INTS4: variants seen among roughly 807,000 people sequenced by gnomAD.
The protein encoded by INTS4 is MSTP093.
A neutral mutation model predicts 119.5 loss-of-function variants in INTS4; 70 were observed. That is an observed-to-expected ratio of 0.59 (90% CI 0.48 to 0.71). The LOEUF (loss-of-function observed/expected upper bound fraction) is 0.71. INTS4 is among the 30% of genes least tolerant of loss of function. The probability of loss-of-function intolerance (pLI) is 0.00; values close to 1 mark genes in which losing one functional copy is unlikely to be tolerated. For missense variants in INTS4, 867 were observed against 1,173.2 expected (o/e 0.74, Z 3.81); for synonymous variants, 316 against 419.6 (o/e 0.75, Z 3.02).
At chr11:77,929,527 T>C (rs941935154) in intron 10 of INTS4, among the ~76,000 whole-genome samples, 7 of 152,208 alleles carry the variant, frequency 4.6e-5, no homozygotes, top group Admixed American at 1.3e-4. Context: ...ATGTTATCAT[T>C]AAGATTAAAG....
Position 77,878,963 on chromosome 11 carries a change from G to C in INTS4, c.2878C>G (p.Pro960Ala), listed in dbSNP as rs757466320. 1 of 1,613,958 alleles carries C rather than the reference G, an allele frequency of 6.2e-7. No homozygotes were observed. Among genetic ancestry groups the C allele is most frequent in the African/African-American group, 1.3e-5 (1 of 75,020 alleles). Residue 960 changes from proline (P) to alanine (A), a missense_variant, in exon 23 of 23, where the codon CCT becomes GCT. Transcript: ENST00000534064. Reference sequence around the variant, plus strand: ...CTGTTTTTGCCTTAGCGCCGTGCAGGTTTGGGCATTATATAAACTTTTACA... The same window carrying C: ...CTGTTTTTGCCTTAGCGCCGTGCAGCTTTGGGCATTATATAAACTTTTACA... ...KPVKVYIMPK[P>A]ARR
At chr11:77,985,768 T>C (rs1856432604) in intron 2 of INTS4, among the ~76,000 whole-genome samples, 3 of 152,124 alleles carry the variant, frequency 2.0e-5, no homozygotes, top group African/African-American at 7.2e-5. Context: ...ACTATCTACA[T>C]ACTACATATA....
At chr11:77,983,345 G>GCTC (rs1371630670) in intron 2 of INTS4, among the ~76,000 whole-genome samples, 62 of 152,056 alleles carry the variant, frequency 4.1e-4, no homozygotes, top group Non-Finnish European at 4.9e-4. Context: ...GAACTCCTGG[G>GCTC]CTCCTGCCTA....
In INTS4 at chr11:77,955,952, G is replaced by C. The variant is rs1230358698; in HGVS notation, c.908C>G (p.Ala303Gly). Residue 303 changes from alanine (A) to glycine (G), a missense_variant, in exon 8 of 23, where the codon GCA becomes GGA. Around this residue, in one of 5 missense-constraint regions of INTS4, gnomAD observed 208 missense variants for 306.6 expected, o/e 0.68. Transcript: ENST00000534064. ...DGSWVVRVQA[A>G]KLLGSMEQVS... Reference sequence around the variant, plus strand: ...AAAAGTATAACTTACCAACAGTTTTGCTGCCTGAACACGAACCACCCAAGA... The same window carrying C: ...AAAAGTATAACTTACCAACAGTTTTCCTGCCTGAACACGAACCACCCAAGA... The C allele has an allele frequency of 6.2e-7, 1 of 1,609,488 alleles. No homozygotes were observed. The highest frequency in any genetic ancestry group is 8.5e-7 in the Non-Finnish European group (1 of 1,178,426).
intron 19 of INTS4, among the ~76,000 whole-genome samples, chr11:77,892,143 A>G (rs1210702714): frequency 6.6e-6 from 1 of 152,242 alleles, no homozygotes; most frequent in Admixed American, 6.5e-5. Flanking sequence ...TTATAGATTC[A>G]TTAATTATTT....
chr11:77,948,664 AAAACAAAAAAAAAAAAG>A (rs986759093), intron 8 of INTS4, among the ~76,000 whole-genome samples: 6 of 79,908 alleles, frequency 7.5e-5, no homozygotes, highest in African/African-American at 1.8e-4. Flanking sequence ...CAAAAAAAAA[AAAACAAAAAAAAAAAAG>A]AAGAAGAAGA....
chr11:77,966,385 C>T (rs1855505067), intron 4 of INTS4, among the ~76,000 whole-genome samples: 1 of 152,136 alleles, frequency 6.6e-6, no homozygotes, highest in East Asian at 1.9e-4. Flanking sequence ...CAGATCAATG[C>T]CACAGAGCTT....
chr11:77,985,749 T>C (rs980818068), intron 2 of INTS4, among the ~76,000 whole-genome samples: 1 of 152,176 alleles, frequency 6.6e-6, no homozygotes, highest in African/African-American at 2.4e-5. Flanking sequence ...ATGGAAAACT[T>C]TAGCACTTAC....
At chr11:77,883,513 AGT>A (rs2136359430) in intron 22 of INTS4, among the ~76,000 whole-genome samples, 5 of 152,278 alleles carry the variant, frequency 3.3e-5, no homozygotes, top group Admixed American at 3.3e-4. Flanking sequence ...TGACCAAGCA[AGT>A]CGGTGGCAGT....
At chr11:77,884,656 T>G (rs1951922688) in intron 21 of INTS4, 1 of 222,028 alleles carries the variant, frequency 4.5e-6, no homozygotes, top group Admixed American at 4.6e-5. Context: ...GAAACTGTGG[T>G]CAATGTTGAA....
At chr11:77,895,345 T>G (rs1421689718) in intron 18 of INTS4, among the ~76,000 whole-genome samples, 1 of 151,668 alleles carries the variant, frequency 6.6e-6, no homozygotes, top group African/African-American at 2.4e-5. Flanking sequence ...GAGAATGATG[T>G]CAAGGTTTAG....
chr11:77,888,687 C>CTAA (rs1301883453), intron 21 of INTS4, among the ~76,000 whole-genome samples: 3 of 151,870 alleles, frequency 2.0e-5, no homozygotes, highest in Non-Finnish European at 2.9e-5. Flanking sequence ...TGACAAAGGG[C>CTAA]TAATATCCAG....
At position 77,918,924 on chromosome 11, in the gene INTS4, C is replaced by T. The variant is rs768066317; in HGVS notation, c.1819G>A (p.Glu607Lys). The change falls in exon 15 of 23, where the codon GAG (glutamate) becomes AAG (lysine). Residue 607 changes from glutamate to lysine, a missense_variant. This residue lies in a region of INTS4 where 262 missense variants were observed against 376.0 expected (regional missense o/e 0.70). Transcript: ENST00000534064. Reference protein sequence around the residue: ...SAVSPSIIPQEDPSQQFLQQS... With the variant: ...SAVSPSIIPQKDPSQQFLQQS... Reference sequence around the variant, plus strand: ...TGCAGGAACTGCTGGGAAGGATCCTCTTGAGGTATGATGCTGGGAGAAACA... The same window carrying T: ...TGCAGGAACTGCTGGGAAGGATCCTTTTGAGGTATGATGCTGGGAGAAACA... The T allele has an allele frequency of 2.5e-6, 4 of 1,613,944 alleles. No individual in the cohort carries two copies. The South Asian group carries it at 4.4e-5, about 18-fold the overall frequency.
intron 4 of INTS4, among the ~76,000 whole-genome samples, chr11:77,976,105 T>A (rs895534448): frequency 6.8e-6 from 1 of 146,358 alleles, no homozygotes; most frequent in African/African-American, 2.6e-5. Context: ...ACCTCATTAG[T>A]CTTTTCAAAA....
At chr11:77,948,303 T>C (rs1591093196) in intron 8 of INTS4, among the ~76,000 whole-genome samples, 1 of 152,354 alleles carries the variant, frequency 6.6e-6, no homozygotes, top group Non-Finnish European at 1.5e-5. Flanking sequence ...CCAAAATTAC[T>C]TTTTGGTAAT....
Position 77,903,542 on chromosome 11 carries a change from G to C in INTS4, c.2095C>G (p.Gln699Glu). ...QSDLASAAAK[Q>E]IMEETYKMEF... ...AGGGAAGGTCTGAATAAGCTTACCT[G>C]TTTCGCTGCTGCTGAGGCCAAATCA... The change falls in exon 17 of 23, where the codon CAG becomes GAG. Residue 699 changes from glutamine (Q) to glutamate (E), a missense_variant and splice_region_variant. Physicochemically the swap from Gln to Glu is conservative, Grantham distance 29. Transcript: ENST00000534064. The C allele has an allele frequency of 6.2e-7, 1 of 1,613,630 alleles. No individual in the cohort carries two copies.
chr11:77,922,850 T>A (rs1230128515), intron 12 of INTS4: 2 of 301,158 alleles, frequency 6.6e-6, no homozygotes, highest in Non-Finnish European at 6.3e-6. Flanking sequence ...CATTTTCCAG[T>A]GACTGGTTTG....
At chr11:77,961,162 A>G (rs1016705943) in intron 4 of INTS4, 24 bp from the exon 5 acceptor site, 11 of 1,514,578 alleles carry the variant, frequency 7.3e-6, no homozygotes, top group Admixed American at 4.5e-5. Context: ...AAAAAAAAAG[A>G]AAAAAAGAAA....
chr11:77,881,825 T>C (rs890464648), intron 22 of INTS4, among the ~76,000 whole-genome samples: 1 of 152,054 alleles, frequency 6.6e-6, no homozygotes, highest in Non-Finnish European at 1.5e-5. Flanking sequence ...GTACGCACTA[T>C]ATATAAACAA....
Sources: allele counts gnomAD v4.1 joint callset (sites outside exome capture counted in the v4.1 genomes callset), GRCh38; gene constraint gnomAD v4.1.1; regional missense constraint gnomAD v4.1.1; transcripts MANE v1.5; gene names NCBI Gene and HGNC (gene_info 2026-07-23, HGNC 2026-07-21).